Variants in N4BP1 observed in about 807,000 individuals in gnomAD.
The protein encoded by N4BP1 is NEDD4 binding protein 1, also known as NEDD4-binding protein 1.
N4BP1 carries 21 observed loss-of-function variants against 70.9 expected under a neutral mutation model. That is an observed-to-expected ratio of 0.30 (90% confidence interval 0.21 to 0.43). The LOEUF is 0.43. N4BP1 is among the 20% of genes least tolerant of loss of function. The pLI, the probability that N4BP1 is intolerant of heterozygous loss-of-function variation, is 1.00. For synonymous variants in N4BP1, 387 were observed against 394.6 expected (o/e 0.98, Z 0.23); for missense variants, 936 against 1,069.4 (o/e 0.88, Z 1.74).
chr16:48,575,196 A>C (rs1964075081), intron 1 of N4BP1, among the ~76,000 whole-genome samples: 1 of 152,220 alleles, frequency 6.6e-6, no homozygotes, highest in Non-Finnish European at 1.5e-5. Flanking sequence ...CAGCATTATT[A>C]AGTTTGAGAT....
chr16:48,594,019 C>CAAAAAAAAAAAAAAAAA (rs77597704), intron 1 of N4BP1, among the ~76,000 whole-genome samples: 1 of 95,094 alleles, frequency 1.1e-5, no homozygotes, highest in African/African-American at 4.9e-5. Flanking sequence ...AAAAAAAAAA[C>CAAAAAAAAAAAAAAAAA]AAAAAAAAAA....
intron 2 of N4BP1, among the ~76,000 whole-genome samples, chr16:48,560,123 A>G (rs933268872): frequency 3.3e-5 from 5 of 152,188 alleles, no homozygotes; most frequent in Admixed American, 6.5e-5. Flanking sequence ...CCAAGCGTAC[A>G]GGTTTCAAAT....
At chr16:48,573,384 G>A (rs903773891) in intron 1 of N4BP1, among the ~76,000 whole-genome samples, 1 of 152,118 alleles carries the variant, frequency 6.6e-6, no homozygotes, top group Admixed American at 6.5e-5. Flanking sequence ...TTGAGGTCAG[G>A]AGTTCAAGAC....
intron 1 of N4BP1, among the ~76,000 whole-genome samples, chr16:48,575,521 T>C (rs892501994): frequency 2.0e-5 from 3 of 152,198 alleles, no homozygotes; most frequent in Non-Finnish European, 4.4e-5. Context: ...CGGCAACTTC[T>C]ACCATTCAAA....
intron 6 of N4BP1, among the ~76,000 whole-genome samples, chr16:48,544,574 C>A (rs1187840390): frequency 6.6e-6 from 1 of 152,182 alleles, no homozygotes; most frequent in East Asian, 1.9e-4. Flanking sequence ...TCACAGGAAT[C>A]TTTAGTTAAT....
intron 4 of N4BP1, 61 bp from the exon 5 acceptor site, chr16:48,548,175 G>A: frequency 1.1e-6 from 1 of 921,108 alleles, no homozygotes; most frequent in Non-Finnish European, 1.8e-6. Context: ...GAGAAGCCAT[G>A]TTATAAGAAG....
Position 48,562,133 on chromosome 16 carries a change from A to AT in N4BP1, c.509dup (p.Asn170LysfsTer24). The AT allele has an allele frequency of 6.2e-7, 1 of 1,613,960 alleles. No individual in the cohort carries two copies. On this transcript the variant is annotated frameshift_variant, in exon 2 of 7. Transcript: ENST00000262384. LOFTEE classifies it high-confidence loss of function. ...GCAAAATCAACAAATCCATTGTGTAATTGTCTGCATGGGCTTCAACAAATT... is the reference window on the plus strand; with the variant it reads ...GCAAAATCAACAAATCCATTGTGTAATTTGTCTGCATGGGCTTCAACAAATT...
chr16:48,548,013 G>A lies in N4BP1; in HGVS notation c.2219C>T (p.Thr740Ile), dbSNP rs771390924. The A allele has an allele frequency of 1.9e-6, 3 of 1,554,006 alleles. No individual in the cohort carries two copies. Among genetic ancestry groups the A allele is most frequent in the South Asian group, 1.1e-5 (1 of 87,524 alleles). ...ACAAAGAAGAAAATATTACCTTTTT[G>A]TAATAATTTCTCTCCAAGAGACTGA... ...NESVSWREII[T>I]KRLLQYTFVG... The change falls in exon 5 of 7, where the codon ACA becomes ATA. Residue 740 changes from threonine (T) to isoleucine (I), a missense_variant. Thr to Ile is a moderately conservative substitution (Grantham distance 89). Coordinates refer to ENST00000262384, the MANE Select transcript of N4BP1 (RefSeq NM_153029.4).
intron 1 of N4BP1, among the ~76,000 whole-genome samples, chr16:48,602,455 AAG>A (rs1413713552): frequency 1.3e-5 from 2 of 152,170 alleles, no homozygotes; most frequent in Non-Finnish European, 2.9e-5. Context: ...ATGGACAAGA[AAG>A]AGGAAACTAC....
At chr16:48,601,343 T>C (rs1964494923) in intron 1 of N4BP1, among the ~76,000 whole-genome samples, 1 of 152,262 alleles carries the variant, frequency 6.6e-6, no homozygotes, top group African/African-American at 2.4e-5. Context: ...GGCAATGATC[T>C]AGAAGCAGAG....
At chr16:48,560,659 TACA>T (rs1373842032) in intron 2 of N4BP1, 92 bp downstream of exon 2, 2 of 1,454,748 alleles carry the variant, frequency 1.4e-6, no homozygotes, top group Non-Finnish European at 9.3e-7. Flanking sequence ...ATCAACTATA[TACA>T]ACATGTATGT....
At chr16:48,576,580 C>T (rs572080213) in intron 1 of N4BP1, among the ~76,000 whole-genome samples, 6 of 152,256 alleles carry the variant, frequency 3.9e-5, no homozygotes, top group Non-Finnish European at 8.8e-5. Context: ...CTTCAAGTTC[C>T]CAAATCTCAT....
chr16:48,558,906 C>T (rs903049934), intron 2 of N4BP1, among the ~76,000 whole-genome samples: 6 of 152,178 alleles, frequency 3.9e-5, no homozygotes, highest in African/African-American at 1.2e-4. Flanking sequence ...ATTTTTGCTG[C>T]CTGTCTTCAA....
intron 6 of N4BP1, among the ~76,000 whole-genome samples, chr16:48,545,900 G>A (rs532435192): frequency 2.0e-5 from 3 of 151,880 alleles, no homozygotes; most frequent in South Asian, 2.1e-4. Context: ...GGTGGTATGC[G>A]CCTGTGGTCC....
Position 48,560,916 on chromosome 16 carries a change from T to C in N4BP1, c.1727A>G (p.Asp576Gly). 6.2e-7 allele frequency: 1 copy of C among 1,613,980 alleles called. No individual in the cohort carries two copies. The highest frequency in any genetic ancestry group is 2.2e-5 in the East Asian group (1 of 44,892). Residue 576 changes from aspartate to glycine, a missense_variant, in exon 2 of 7, where the codon GAT becomes GGT. Transcript: ENST00000262384. Reference sequence around the variant, plus strand: ...ATCAGAAGGTCCTGCCGACCTTGCATCAGTAACCGAAGGTAACAGCTGGGG... The same window carrying C: ...ATCAGAAGGTCCTGCCGACCTTGCACCAGTAACCGAAGGTAACAGCTGGGG... ...PLPQLLPSVT[D>G]ARSAGPSDHI...
chr16:48,543,307 A>C (rs1034304717), intron 6 of N4BP1, 46 bp from the exon 7 acceptor site: 21 of 1,403,548 alleles, frequency 1.5e-5, no homozygotes, highest in Non-Finnish European at 1.9e-5. Context: ...TAAGTAAACA[A>C]AAAATCATAG....
At chr16:48,546,772 A>G (rs1359650551) in intron 5 of N4BP1, among the ~76,000 whole-genome samples, 2 of 152,252 alleles carry the variant, frequency 1.3e-5, no homozygotes, top group African/African-American at 2.4e-5. Flanking sequence ...ATAATTTTTA[A>G]AAGTCCAAGT....
intron 1 of N4BP1, among the ~76,000 whole-genome samples, chr16:48,607,557 G>A (rs1379335064): frequency 1.3e-5 from 2 of 152,128 alleles, no homozygotes; most frequent in African/African-American, 2.4e-5. Context: ...AACCAGGGAG[G>A]GAGGGAGCAA....
chr16:48,607,093 C>T (rs1964594077), intron 1 of N4BP1, among the ~76,000 whole-genome samples: 1 of 152,098 alleles, frequency 6.6e-6, no homozygotes, highest in African/African-American at 2.4e-5. Context: ...GAATTTCTTA[C>T]AAGTGGGAGG....
Sources: allele counts gnomAD v4.1 joint callset (sites outside exome capture counted in the v4.1 genomes callset), GRCh38; gene constraint gnomAD v4.1.1; transcripts MANE v1.5; gene names NCBI Gene and HGNC (gene_info 2026-07-23, HGNC 2026-07-21).